The following MEGF9 variants were observed in gnomAD, a reference collection of about 807,000 sequenced individuals.
MEGF9 encodes multiple epidermal growth factor-like domains protein 9.
A neutral mutation model predicts 46.8 loss-of-function variants in MEGF9; 6 were observed. That is an observed-to-expected ratio of 0.13 (90% CI 0.07 to 0.25). The LOEUF is 0.25. Among genes scored for constraint, MEGF9 ranks in the 10% least tolerant of loss-of-function variants. MEGF9 has a pLI of 1.00. For synonymous variants in MEGF9, 302 were observed against 330.7 expected (o/e 0.91, Z 0.94); for missense variants, 683 against 792.4 (o/e 0.86, Z 1.66).
intron 1 of MEGF9, among the ~76,000 whole-genome samples, chr9:120,705,321 T>C (rs2043924524): frequency 6.6e-6 from 1 of 151,866 alleles, no homozygotes; most frequent in Admixed American, 6.6e-5. Flanking sequence ...AACACATCTT[T>C]AAGGACTTTT....
intron 1 of MEGF9, among the ~76,000 whole-genome samples, chr9:120,669,653 G>A (rs1377866454): frequency 6.6e-6 from 1 of 151,192 alleles, no homozygotes; most frequent in Non-Finnish European, 1.5e-5. Context: ...AAAATATGTA[G>A]TTCTAAATTA....
intron 1 of MEGF9, among the ~76,000 whole-genome samples, chr9:120,675,336 C>T (rs1215417918): frequency 6.6e-6 from 1 of 152,104 alleles, no homozygotes; most frequent in Non-Finnish European, 1.5e-5. Context: ...TCTGTAATCC[C>T]GGCACTTGGG....
rs573439980 is a variant in MEGF9 at position 120,630,040 on chromosome 9, G to A, written c.804-7285C>T. Among the ~76,000 whole-genome samples, 111 of 152,058 alleles carry A rather than the reference G, an allele frequency of 7.3e-4. 1 individual carries two copies. Among genetic ancestry groups the A allele is most frequent in the African/African-American group, 2.6e-3 (108 of 41,480 alleles). On this transcript the variant is annotated intron_variant, in intron 2 of 5. Coordinates refer to ENST00000373930, the MANE Select transcript of MEGF9 (RefSeq NM_001080497.3). The stretch of plus-strand genomic sequence containing the variant: ...ACAGTTCAGTATACCTTGACCATCC[G>A]CCCATTGCTGAGTAGCCTTTTTTGC...
chr9:120,669,241 C>T (rs560085051), intron 1 of MEGF9, among the ~76,000 whole-genome samples: 95 of 152,158 alleles, frequency 6.2e-4, no homozygotes, highest in African/African-American at 2.2e-3. Context: ...TTTTAAATTG[C>T]TCAATGATGG....
intron 1 of MEGF9, among the ~76,000 whole-genome samples, chr9:120,712,409 T>C (rs1398872850): frequency 1.3e-5 from 2 of 152,196 alleles, no homozygotes; most frequent in East Asian, 3.8e-4. Flanking sequence ...GGGGAAGAGC[T>C]AGGATTCAAA....
intron 3 of MEGF9, among the ~76,000 whole-genome samples, chr9:120,618,132 G>A (rs1033441826): frequency 1.1e-4 from 17 of 152,142 alleles, no homozygotes; most frequent in Middle Eastern, 3.2e-3. Context: ...AGGGTTAAGG[G>A]GGAAAATGAG....
intron 2 of MEGF9, among the ~76,000 whole-genome samples, chr9:120,629,056 G>A (rs1230902056): frequency 6.6e-6 from 1 of 152,122 alleles, no homozygotes; most frequent in Non-Finnish European, 1.5e-5. Context: ...GCTCACTGCA[G>A]CCTCAACCTC....
chr9:120,689,075 TA>T (rs111309623), intron 1 of MEGF9, among the ~76,000 whole-genome samples: 3,610 of 152,306 alleles, frequency 0.024, 154 homozygotes, highest in African/African-American at 0.083. Flanking sequence ...TAATGTCTTA[TA>T]GCAGAGAGAA....
intron 2 of MEGF9, among the ~76,000 whole-genome samples, chr9:120,623,555 T>G (rs2043511079): frequency 6.6e-6 from 1 of 152,182 alleles, no homozygotes; most frequent in Non-Finnish European, 1.5e-5. Context: ...ATAGGAGATG[T>G]TTTTAAAAAT....
At chr9:120,678,565 C>T (rs1190103687) in intron 1 of MEGF9, among the ~76,000 whole-genome samples, 4 of 152,146 alleles carry the variant, frequency 2.6e-5, no homozygotes, top group African/African-American at 7.2e-5. Context: ...CTCTGCCTCC[C>T]GGGTTCAAGG....
intron 2 of MEGF9, among the ~76,000 whole-genome samples, chr9:120,623,570 C>A (rs1334938354): frequency 6.6e-6 from 1 of 151,942 alleles, no homozygotes; most frequent in African/African-American, 2.4e-5. Context: ...AAAAATGCAA[C>A]AAAAATTTAC....
At chr9:120,639,008 T>C (rs141971387) in intron 2 of MEGF9, among the ~76,000 whole-genome samples, 88 of 152,290 alleles carry the variant, frequency 5.8e-4, no homozygotes, top group African/African-American at 2.1e-3. Flanking sequence ...CATTGACTTG[T>C]AAAAATTCTT....
At chr9:120,624,814 A>G (rs1294883755) in intron 2 of MEGF9, among the ~76,000 whole-genome samples, 2 of 150,706 alleles carry the variant, frequency 1.3e-5, no homozygotes, top group Non-Finnish European at 2.9e-5. Flanking sequence ...CGGAGGGTGC[A>G]GTGAGCCAAG....
chr9:120,639,229 G>C (rs1055835181), intron 2 of MEGF9, among the ~76,000 whole-genome samples: 1 of 151,958 alleles, frequency 6.6e-6, no homozygotes, highest in Non-Finnish European at 1.5e-5. Flanking sequence ...GGAACCCTGG[G>C]CAGGGCACGG....
intron 5 of MEGF9, among the ~76,000 whole-genome samples, chr9:120,606,115 G>A (rs2043419479): frequency 6.7e-6 from 1 of 149,888 alleles, no homozygotes; most frequent in Non-Finnish European, 1.5e-5. Context: ...AGGTTGCAGT[G>A]AGCTGAGATC....
At chr9:120,684,150 C>T (rs921975961) in intron 1 of MEGF9, among the ~76,000 whole-genome samples, 17 of 152,224 alleles carry the variant, frequency 1.1e-4, no homozygotes, top group African/African-American at 3.9e-4. Flanking sequence ...GGTTTATTGA[C>T]AAACTGTTGT....
intron 1 of MEGF9, among the ~76,000 whole-genome samples, chr9:120,702,710 A>G (rs1314364777): frequency 6.6e-6 from 1 of 152,326 alleles, no homozygotes; most frequent in Admixed American, 6.5e-5. Flanking sequence ...AAATGAAAGA[A>G]GAGCTGATGT....
chr9:120,685,183 G>T (rs776629620), intron 1 of MEGF9, among the ~76,000 whole-genome samples: 1 of 152,200 alleles, frequency 6.6e-6, no homozygotes, highest in Non-Finnish European at 1.5e-5. Context: ...AGATGTTGAA[G>T]ATTTTGTTCA....
chr9:120,694,082 A>C (rs917918649), intron 1 of MEGF9, among the ~76,000 whole-genome samples: 5 of 152,230 alleles, frequency 3.3e-5, no homozygotes, highest in Non-Finnish European at 7.3e-5. Flanking sequence ...TAAAATAATG[A>C]CTACAAATCA....
Sources: allele counts gnomAD v4.1 joint callset (sites outside exome capture counted in the v4.1 genomes callset), GRCh38; gene constraint gnomAD v4.1.1; transcripts MANE v1.5; gene names NCBI Gene and HGNC (gene_info 2026-07-23, HGNC 2026-07-21).